Variants in TM9SF2 observed in about 807,000 individuals in gnomAD.
TM9SF2 encodes 76 kDa membrane protein.
TM9SF2 carries 13 observed loss-of-function variants against 84.9 expected under a neutral mutation model. The observed-to-expected ratio is 0.15, with a 90% CI of 0.10 to 0.24. The LOEUF (loss-of-function observed/expected upper bound fraction) is 0.24. TM9SF2 is among the 10% of genes least tolerant of loss of function. TM9SF2 has a pLI of 1.00. For synonymous variants in TM9SF2, 273 were observed against 285.8 expected (o/e 0.96, Z 0.45); for missense variants, 562 against 818.5 (o/e 0.69, Z 3.82).
chr13:99,555,381 A>G (rs1254183245), intron 14 of TM9SF2, among the ~76,000 whole-genome samples, 155 bp from the exon 15 acceptor site: 1 of 151,878 alleles, frequency 6.6e-6, no homozygotes, highest in African/African-American at 2.4e-5. Context: ...CCCCTTCCCC[A>G]CCCCATCACC....
intron 10 of TM9SF2, among the ~76,000 whole-genome samples, chr13:99,545,404 A>G (rs955908569): frequency 3.3e-5 from 5 of 152,048 alleles, no homozygotes; most frequent in African/African-American, 9.7e-5. Context: ...ATTTGTAACT[A>G]TATCATACTA....
intron 3 of TM9SF2, among the ~76,000 whole-genome samples, chr13:99,528,629 T>C (rs2139087094): frequency 6.6e-6 from 1 of 152,312 alleles, no homozygotes; most frequent in African/African-American, 2.4e-5. Flanking sequence ...TGTTTTTCCA[T>C]TTTCCACTTT....
At position 99,554,385 on chromosome 13, in the gene TM9SF2, A is replaced by G; in HGVS notation, c.1570A>G (p.Ile524Val). Residue 524 changes from isoleucine to valine, a missense_variant, in exon 14 of 17, where the codon ATT becomes GTT. Physicochemically the swap from Ile to Val is conservative, Grantham distance 29. Around this residue, in one of 4 missense-constraint regions of TM9SF2, gnomAD observed 219 missense variants for 338.1 expected, o/e 0.65. Transcript: ENST00000376387. ...GTTCTACACGAAGCCCTTGCCTGGT[A>G]TTATCATGGGAGGGATTTTGCCCTT... is the stretch of plus-strand genomic sequence containing the variant. ...QSFYTKPLPG[I>V]IMGGILPFGC... 1 of 1,614,170 alleles carries G rather than the reference A, an allele frequency of 6.2e-7. No individual in the cohort carries two copies. The highest frequency in any genetic ancestry group is 8.5e-7 in the Non-Finnish European group (1 of 1,180,008).
At chr13:99,553,375 G>A (rs2046313542) in intron 13 of TM9SF2, among the ~76,000 whole-genome samples, 1 of 152,148 alleles carries the variant, frequency 6.6e-6, no homozygotes, top group Admixed American at 6.5e-5. Context: ...TTTAATTTAT[G>A]ACTTTATACC....
intron 3 of TM9SF2, among the ~76,000 whole-genome samples, chr13:99,528,361 T>A (rs910513528): frequency 6.6e-6 from 1 of 152,208 alleles, no homozygotes; most frequent in East Asian, 1.9e-4. Context: ...AAGGGTTGTT[T>A]GGAGGATTAC....
At chr13:99,534,523 CT>C (rs2139092544) in intron 4 of TM9SF2, among the ~76,000 whole-genome samples, 1 of 152,294 alleles carries the variant, frequency 6.6e-6, no homozygotes, top group African/African-American at 2.4e-5. Flanking sequence ...TAAATGCCAA[CT>C]TTCTTTGCTT....
At chr13:99,543,667 C>A (rs9585121) in intron 9 of TM9SF2, among the ~76,000 whole-genome samples, 196 bp from the exon 10 acceptor site, 4 of 152,132 alleles carry the variant, frequency 2.6e-5, no homozygotes, top group African/African-American at 9.7e-5. Flanking sequence ...AAGAAACTGA[C>A]ATATAAGACA....
chr13:99,547,362 G>A (rs1273873745), intron 11 of TM9SF2, among the ~76,000 whole-genome samples: 3 of 152,008 alleles, frequency 2.0e-5, no homozygotes, highest in Non-Finnish European at 4.4e-5. Flanking sequence ...TTTTCTTTAA[G>A]CTTTGGCTAA....
At chr13:99,503,171 A>G (rs2046074029) in intron 1 of TM9SF2, among the ~76,000 whole-genome samples, 1 of 152,206 alleles carries the variant, frequency 6.6e-6, no homozygotes, top group Admixed American at 6.5e-5. Context: ...TCCATTAAAT[A>G]TTTTAGTAAC....
At chr13:99,546,923 T>A in intron 10 of TM9SF2, 62 bp from the exon 11 acceptor site, 3 of 1,598,016 alleles carry the variant, frequency 1.9e-6, no homozygotes, top group Non-Finnish European at 2.6e-6. Context: ...GGTTTCTCTA[T>A]CATTTCACAG....
At chr13:99,538,918 A>G (rs762711289) in intron 6 of TM9SF2, among the ~76,000 whole-genome samples, 40 of 151,372 alleles carry the variant, frequency 2.6e-4, no homozygotes, top group Non-Finnish European at 4.9e-4. Flanking sequence ...ACAAAAAACA[A>G]AAAAGGCCAG....
chr13:99,533,406 A>G (rs1205225014), intron 4 of TM9SF2, among the ~76,000 whole-genome samples: 1 of 152,196 alleles, frequency 6.6e-6, no homozygotes, highest in Non-Finnish European at 1.5e-5. Flanking sequence ...AAAATAATGC[A>G]ACTAAAATAT....
At chr13:99,510,037 A>G (rs1332391650) in intron 1 of TM9SF2, among the ~76,000 whole-genome samples, 1 of 152,196 alleles carries the variant, frequency 6.6e-6, no homozygotes, top group African/African-American at 2.4e-5. Flanking sequence ...TCTACCATAT[A>G]TACTAGGTTG....
chr13:99,520,885 G>C (rs570112905), intron 3 of TM9SF2, among the ~76,000 whole-genome samples: 23 of 152,226 alleles, frequency 1.5e-4, no homozygotes, highest in African/African-American at 5.5e-4. Context: ...TTTCTATTTT[G>C]ATGTATTTGG....
At position 99,507,151 on chromosome 13, in the gene TM9SF2, T is replaced by C. The variant is rs530458179; in HGVS notation, c.171+5374T>C. Reference sequence around the variant, plus strand: ...GAGGAAACAGAAGCTCAATAAGATTTAGTAGCTGTCTCAAGTGTACAAAGC... The same window carrying C: ...GAGGAAACAGAAGCTCAATAAGATTCAGTAGCTGTCTCAAGTGTACAAAGC... On this transcript the variant is annotated intron_variant, in intron 1 of 16. Transcript: ENST00000376387. 4.6e-5 allele frequency among the ~76,000 whole-genome samples: 7 copies of C among 152,316 alleles called. No individual in the cohort carries two copies. The East Asian group carries it at 1.3e-3, about 29-fold the overall frequency.
chr13:99,516,956 A>G (rs1339423351), intron 1 of TM9SF2, among the ~76,000 whole-genome samples: 1 of 152,194 alleles, frequency 6.6e-6, no homozygotes, highest in Non-Finnish European at 1.5e-5. Flanking sequence ...GTGTAATACC[A>G]AATTTGGAAA....
intron 12 of TM9SF2, 46 bp from the exon 13 acceptor site, chr13:99,552,121 A>G (rs1187537624): frequency 6.3e-7 from 1 of 1,577,812 alleles, no homozygotes; most frequent in Non-Finnish European, 8.6e-7. Flanking sequence ...CTACTGTTGC[A>G]TTTTGTTATC....
intron 2 of TM9SF2, among the ~76,000 whole-genome samples, chr13:99,519,283 C>G (rs2046148768): frequency 6.6e-6 from 1 of 151,064 alleles, no homozygotes; most frequent in Non-Finnish European, 1.5e-5. Flanking sequence ...TTGGGAACTT[C>G]CCAGCCCCAG....
chr13:99,535,793 A>G (rs1158151898), intron 4 of TM9SF2, among the ~76,000 whole-genome samples: 3 of 152,120 alleles, frequency 2.0e-5, no homozygotes, highest in Non-Finnish European at 4.4e-5. Flanking sequence ...TTTTATTTGT[A>G]TCCCGCAGTG....
Sources: gnomAD v4.1 joint callset for allele counts (sites outside exome capture counted in the v4.1 genomes callset) on GRCh38, gnomAD v4.1.1 for gene constraint, gnomAD v4.1.1 regional missense constraint, MANE v1.5 for transcripts, NCBI Gene and HGNC (gene_info 2026-07-23, HGNC 2026-07-21) for gene names.